Variants in PSPC1 observed in about 807,000 individuals in gnomAD.
The protein encoded by PSPC1 is paraspeckle protein 1.
In PSPC1, 14 loss-of-function variants were observed where a neutral mutation model predicts 51.6. The ratio of observed to expected loss-of-function variants is 0.27; its 90% confidence interval spans 0.18 to 0.42. The LOEUF is 0.42. Among genes scored for constraint, PSPC1 ranks in the 10% least tolerant of loss-of-function variants. The pLI, the probability that PSPC1 is intolerant of heterozygous loss-of-function variation, is 1.00. For missense variants in PSPC1, 406 were observed against 701.1 expected, an observed-to-expected ratio of 0.58 and a Z score of 4.75; for synonymous variants, 193 against 231.9, an observed-to-expected ratio of 0.83 and a Z score of 1.53.
chr13:19,686,377 G>A (rs1056376558), intron 6 of PSPC1, among the ~76,000 whole-genome samples: 2 of 152,142 alleles, frequency 1.3e-5, no homozygotes, highest in Admixed American at 6.5e-5. Context: ...CAGTTATCCA[G>A]GTTGTCAACA....
At chr13:19,768,443 C>T (rs1349116296) in intron 2 of PSPC1, among the ~76,000 whole-genome samples, 1 of 150,760 alleles carries the variant, frequency 6.6e-6, no homozygotes, top group African/African-American at 2.5e-5. Context: ...GTCAGGATAT[C>T]GAGACCATCC....
intron 1 of PSPC1, among the ~76,000 whole-genome samples, chr13:19,781,735 G>C (rs760830998): frequency 5.9e-5 from 9 of 152,140 alleles, no homozygotes; most frequent in Non-Finnish European, 1.0e-4. Context: ...GTGCTCAGGA[G>C]TTCGAGACCA....
intron 6 of PSPC1, among the ~76,000 whole-genome samples, chr13:19,688,583 T>C (rs1306600539): frequency 2.6e-5 from 4 of 152,212 alleles, no homozygotes; most frequent in East Asian, 3.8e-4. Flanking sequence ...TCTTCTAACA[T>C]GTATCAGTTG....
intron 4 of PSPC1, among the ~76,000 whole-genome samples, chr13:19,749,218 T>C (rs188056659): frequency 5.3e-4 from 81 of 152,110 alleles, no homozygotes; most frequent in Admixed American, 8.5e-4. Flanking sequence ...TGTAGAGGCA[T>C]ACACTTGTAA....
chr13:19,727,882 C>A (rs1218773564), intron 6 of PSPC1, among the ~76,000 whole-genome samples: 2 of 152,046 alleles, frequency 1.3e-5, no homozygotes, highest in African/African-American at 4.8e-5. Flanking sequence ...TAAAGACAAA[C>A]CTAAATGCAA....
At chr13:19,707,071 A>G (rs1162934192) in intron 7 of PSPC1, among the ~76,000 whole-genome samples, 1 of 152,158 alleles carries the variant, frequency 6.6e-6, no homozygotes, top group Non-Finnish European at 1.5e-5. Context: ...AGTATCTAAG[A>G]GGCGTCTTAC....
At chr13:19,755,431 TACA>T (rs1402013278) in intron 3 of PSPC1, among the ~76,000 whole-genome samples, 2 of 151,748 alleles carry the variant, frequency 1.3e-5, no homozygotes, top group African/African-American at 2.4e-5. Flanking sequence ...CTACTAAAAA[TACA>T]ACAATTAGCT....
At chr13:19,724,267 C>T (rs1267790106) in intron 6 of PSPC1, among the ~76,000 whole-genome samples, 1 of 152,112 alleles carries the variant, frequency 6.6e-6, no homozygotes, top group Non-Finnish European at 1.5e-5. Context: ...TGTATCTATT[C>T]ATTAGTAAAT....
At chr13:19,738,322 T>C (rs182847682) in intron 5 of PSPC1, among the ~76,000 whole-genome samples, 3 of 152,222 alleles carry the variant, frequency 2.0e-5, no homozygotes, top group African/African-American at 7.2e-5. Flanking sequence ...CCTTGGTATG[T>C]GCAGGGGATT....
intron 6 of PSPC1, among the ~76,000 whole-genome samples, chr13:19,679,673 G>T (rs1877060710): frequency 6.6e-6 from 1 of 152,140 alleles, no homozygotes; most frequent in East Asian, 1.9e-4. Context: ...ATGTACATGG[G>T]ATATGTGAAA....
rs966224082 is a variant in PSPC1, at chr13:19,782,118, G to A, written c.372+268C>T. Among the ~76,000 whole-genome samples, 5 of 152,240 alleles carry A rather than the reference G, an allele frequency of 3.3e-5. No homozygotes were observed. The highest frequency in any genetic ancestry group is 1.2e-4 in the African/African-American group (5 of 41,480). On this transcript the variant is annotated intron_variant, in intron 1 of 8. Transcript: ENST00000338910. This position sits in a 1 kb window ranked among gnomAD's most constrained non-coding sequence, Gnocchi z 4.5. The stretch of plus-strand genomic sequence containing the variant: ...ATGCCCGATCCAGCGCAGGGCAGCA[G>A]GCCTGCAGCCACCGCAAAGCACGAT...
At chr13:19,745,681 G>A (rs1170350988) in intron 4 of PSPC1, among the ~76,000 whole-genome samples, 3 of 149,242 alleles carry the variant, frequency 2.0e-5, no homozygotes, top group South Asian at 2.1e-4. Flanking sequence ...GTGCAGTGGC[G>A]TGATCTCGGC....
At chr13:19,766,173 G>A (rs1367624001) in intron 2 of PSPC1, among the ~76,000 whole-genome samples, 2 of 152,142 alleles carry the variant, frequency 1.3e-5, no homozygotes, top group Non-Finnish European at 2.9e-5. Flanking sequence ...AGGAGTTCGA[G>A]ACCAGCCTGG....
intron 4 of PSPC1, among the ~76,000 whole-genome samples, chr13:19,742,649 G>GAATC (rs1199878609): frequency 6.6e-6 from 1 of 152,210 alleles, no homozygotes; most frequent in Non-Finnish European, 1.5e-5. Context: ...TGAGACAGGA[G>GAATC]AATCACTTGA....
At chr13:19,689,133 C>G (rs962047576) in intron 6 of PSPC1, among the ~76,000 whole-genome samples, 3 of 152,234 alleles carry the variant, frequency 2.0e-5, no homozygotes, top group Admixed American at 6.5e-5. Flanking sequence ...GATAATCCAG[C>G]CAAGAGCACA....
intron 7 of PSPC1, chr13:19,677,575 A>C: frequency 3.0e-6 from 1 of 337,070 alleles, no homozygotes; most frequent in South Asian, 2.4e-5. Context: ...AACTGTTCAT[A>C]AATATTCTAC....
chr13:19,727,011 T>C (rs1389250621), intron 6 of PSPC1, among the ~76,000 whole-genome samples: 1 of 152,238 alleles, frequency 6.6e-6, no homozygotes, highest in Non-Finnish European at 1.5e-5. Context: ...GGTATATATT[T>C]AGTTCAATGC....
At position 19,779,505 on chromosome 13, in the gene PSPC1, T is replaced by TG. The variant is rs1389017960; in HGVS notation, c.372+2880dup. On this transcript the variant is annotated intron_variant, in intron 1 of 8. Coordinates refer to ENST00000338910, the MANE Select transcript of PSPC1 (RefSeq NM_001354909.2). ...CCAGCCACCCCGTCCGGGAGGGAGA[T>TG]GGGGGGGTCAGCCCCCCCACCCGGC... is the stretch of plus-strand genomic sequence containing the variant. Among the ~76,000 whole-genome samples the TG allele has an allele frequency of 1.3e-3, 31 of 24,260 alleles. 1 individual carries two copies. The highest frequency in any genetic ancestry group is 4.3e-3 in the African/African-American group (29 of 6,788). The allele number at this position is 24,260 out of a possible 152,430, so 15.9% of individuals were successfully genotyped here.
intron 6 of PSPC1, among the ~76,000 whole-genome samples, chr13:19,714,844 C>CAA (rs200547439): frequency 6.6e-6 from 1 of 151,958 alleles, no homozygotes; most frequent in African/African-American, 2.4e-5. Flanking sequence ...ACAGTAGTAT[C>CAA]AAAAAAATCC....
Sources: allele counts gnomAD v4.1 joint callset (sites outside exome capture counted in the v4.1 genomes callset), GRCh38; gene constraint gnomAD v4.1.1; non-coding constraint Gnocchi (gnomAD v3.1); transcripts MANE v1.5; gene names NCBI Gene and HGNC (gene_info 2026-07-23, HGNC 2026-07-21).